The following NEK9 variants were observed in gnomAD, a reference collection of about 807,000 sequenced individuals.
NEK9 encodes serine/threonine-protein kinase Nek9.
A neutral mutation model predicts 123.4 loss-of-function variants in NEK9; 75 were observed. That is an observed-to-expected ratio of 0.61 (90% CI 0.50 to 0.74). NEK9 has a LOEUF of 0.74. Among genes scored for constraint, NEK9 ranks in the 30% least tolerant of loss-of-function variants. NEK9 has a pLI of 0.00. For missense variants in NEK9, 952 were observed against 1,214.4 expected, an observed-to-expected ratio of 0.78 and a Z score of 3.21; for synonymous variants, 438 against 458.7, an observed-to-expected ratio of 0.95 and a Z score of 0.58.
chr14:75,123,992 A>T, intron 2 of NEK9, 54 bp downstream of exon 2: 1 of 1,403,912 alleles, frequency 7.1e-7, no homozygotes, highest in Non-Finnish European at 1.0e-6. Context: ...TCCTCAACGT[A>T]ATTATGAGTC....
chr14:75,126,951 C>T lies in NEK9; in HGVS notation c.-30G>A, dbSNP rs1442152551. The T allele has an allele frequency of 1.4e-6, 2 of 1,421,376 alleles. No individual in the cohort carries two copies. Among genetic ancestry groups the T allele is most frequent in the African/African-American group, 1.5e-5 (1 of 66,698 alleles). The allele number at this position is 1,421,376 out of a possible 1,614,324, so 88.0% of individuals were successfully genotyped here. A position where few individuals can be genotyped will look rare whatever the true frequency, so the allele number is the denominator to read the frequency against. On this transcript the variant is annotated 5_prime_UTR_variant, in exon 1 of 22. Transcript: ENST00000238616. ...GCGGCCGCGGGCCTTGGGGACCAGC[C>T]TGCGTATGCCCGGAGGCCCTGGCCG...
At chr14:75,104,130 T>C in intron 13 of NEK9, 133 bp from the exon 14 acceptor site, 1 of 886,326 alleles carries the variant, frequency 1.1e-6, no homozygotes, top group Non-Finnish European at 1.7e-6. Context: ...TGCTCTATTC[T>C]TTTCAGGTTT....
At chr14:75,117,449 A>G in intron 5 of NEK9, 123 bp from the exon 6 acceptor site, 1 of 1,117,300 alleles carries the variant, frequency 9.0e-7, no homozygotes, top group Non-Finnish European at 1.2e-6. Context: ...TCATCAGCAG[A>G]TTCCAAAATG....
rs1893877123 is a variant in NEK9 at position 75,081,884 on chromosome 14, T to G, written c.*2680A>C. ...TTCCCTCCCTCTGCACTTTCGGCAC[T>G]TTTAGACATTTTTGGGAAAAAAGCT... On this transcript the variant is annotated 3_prime_UTR_variant, in exon 22 of 22. Transcript: ENST00000238616. The surrounding 1 kb of genome is among the most constrained non-coding windows in gnomAD (Gnocchi z 4.2). The G allele has an allele frequency of 6.6e-6, 1 of 152,152 alleles. No homozygotes were observed. Among genetic ancestry groups the G allele is most frequent in the East Asian group, 1.9e-4 (1 of 5,192 alleles). The allele number at this position is 152,152 out of a possible 1,614,324, so 9.4% of individuals were successfully genotyped here. A position where few individuals can be genotyped will look rare whatever the true frequency, so the allele number is the denominator to read the frequency against.
intron 3 of NEK9, chr14:75,120,890 C>T (rs1301696679): frequency 1.6e-6 from 1 of 635,622 alleles, no homozygotes; most frequent in South Asian, 1.7e-5. Context: ...AGTAATAGAA[C>T]CAGGAAAGAA....
At chr14:75,085,004 TTGTG>T in intron 21 of NEK9, 4 of 284,944 alleles carry the variant, frequency 1.4e-5, no homozygotes, top group South Asian at 3.9e-5. Flanking sequence ...CAATCTTACC[TTGTG>T]TGTGTGTGTG....
intron 5 of NEK9, among the ~76,000 whole-genome samples, chr14:75,117,997 T>C (rs543963311): frequency 5.9e-5 from 9 of 152,212 alleles, no homozygotes; most frequent in Non-Finnish European, 8.8e-5. Context: ...TTATAAATTT[T>C]CATATCATTC....
intron 17 of NEK9, 84 bp downstream of exon 17, chr14:75,097,016 T>A: frequency 7.4e-7 from 1 of 1,350,410 alleles, no homozygotes; most frequent in Non-Finnish European, 1.0e-6. Context: ...ACATTTCTGT[T>A]TCCAACAATG....
chr14:75,106,135 C>G, intron 12 of NEK9, 139 bp from the exon 13 acceptor site: 1 of 745,898 alleles, frequency 1.3e-6, no homozygotes, highest in Non-Finnish European at 2.4e-6. Context: ...GCAGGTGGAT[C>G]ATGAGGTCAG....
At chr14:75,108,900 G>A (rs1049623042) in intron 10 of NEK9, among the ~76,000 whole-genome samples, 1 of 152,092 alleles carries the variant, frequency 6.6e-6, no homozygotes, top group African/African-American at 2.4e-5. Context: ...CCTGAAATGA[G>A]CCTGAGAACG....
intron 16 of NEK9, among the ~76,000 whole-genome samples, chr14:75,099,737 G>A (rs1353402366): frequency 3.4e-5 from 5 of 146,620 alleles, no homozygotes; most frequent in Non-Finnish European, 7.5e-5. Context: ...AGCTGAGATC[G>A]CGCCACTGCA....
intron 20 of NEK9, 64 bp from the exon 21 acceptor site, chr14:75,087,294 C>T (rs1894061097): frequency 5.5e-6 from 7 of 1,283,118 alleles, no homozygotes; most frequent in Non-Finnish European, 6.6e-6. Flanking sequence ...TCAATCCAAA[C>T]TTCCTCTAAG....
rs1893899712 is a variant in NEK9, at chr14:75,082,636, C to G, written c.*1928G>C. ...GGCACTCACCCACCCCCGGCACTCACTTTCACCCCACCTTCTCAGCAACCT... is the reference window on the plus strand; with the variant it reads ...GGCACTCACCCACCCCCGGCACTCAGTTTCACCCCACCTTCTCAGCAACCT... On this transcript the variant is annotated 3_prime_UTR_variant, in exon 22 of 22. Transcript: ENST00000238616. 7 of 220,352 alleles carry G rather than the reference C, an allele frequency of 3.2e-5. No individual in the cohort carries two copies. The highest frequency in any genetic ancestry group is 6.2e-5 in the Non-Finnish European group (7 of 112,732). The allele number at this position is 220,352 out of a possible 1,614,324, so 13.6% of individuals were successfully genotyped here.
intron 8 of NEK9, among the ~76,000 whole-genome samples, chr14:75,112,207 G>A (rs971537404): frequency 5.3e-5 from 8 of 152,308 alleles, no homozygotes; most frequent in Admixed American, 2.0e-4. Context: ...GACTTGAAAA[G>A]AGCATTGTAT....
At chr14:75,097,501 CT>C (rs1894428666) in intron 16 of NEK9, among the ~76,000 whole-genome samples, 1 of 152,188 alleles carries the variant, frequency 6.6e-6, no homozygotes, top group East Asian at 1.9e-4. Flanking sequence ...AATCATTCAC[CT>C]TTTTCTTCAA....
chr14:75,113,251 A>G, intron 8 of NEK9, 88 bp downstream of exon 8: 1 of 1,014,396 alleles, frequency 9.9e-7, no homozygotes, highest in Non-Finnish European at 1.5e-6. Context: ...AAGTCAGGAA[A>G]CACTACTCTT....
In NEK9 at chr14:75,079,365, CTTTTT is replaced by C. The variant is rs1893801890; in HGVS notation, c.*5194_*5198del. 1 of 152,216 alleles carries C rather than the reference CTTTTT, an allele frequency of 6.6e-6. No homozygotes were observed. Among genetic ancestry groups the C allele is most frequent in the South Asian group, 2.1e-4 (1 of 4,820 alleles). 9.4% of individuals were successfully genotyped at this position (152,216 alleles called of 1,614,324 possible). ...ATAGGAGCACACATTTCTTTGCACT[CTTTTT>C]AATTGTTCCAAAGGAAAGGAGGTAT... On this transcript the variant is annotated 3_prime_UTR_variant, in exon 22 of 22. Coordinates refer to ENST00000238616, the MANE Select transcript of NEK9 (RefSeq NM_033116.6).
chr14:75,095,473 T>C (rs1894352921), intron 17 of NEK9, 42 bp from the exon 18 acceptor site: 3 of 1,371,872 alleles, frequency 2.2e-6, no homozygotes, highest in Non-Finnish European at 2.1e-6. Flanking sequence ...TATACTGATA[T>C]AGGCAAGAAA....
intron 6 of NEK9, among the ~76,000 whole-genome samples, chr14:75,115,546 T>C (rs1053637927): frequency 6.6e-6 from 1 of 152,234 alleles, no homozygotes; most frequent in African/African-American, 2.4e-5. Flanking sequence ...TATCTTACAT[T>C]TGCATTTTTC....
Sources: allele counts gnomAD v4.1 joint callset (sites outside exome capture counted in the v4.1 genomes callset), GRCh38; gene constraint gnomAD v4.1.1; non-coding constraint Gnocchi (gnomAD v3.1); transcripts MANE v1.5; gene names NCBI Gene and HGNC (gene_info 2026-07-23, HGNC 2026-07-21).